YJU2B: variants seen among roughly 807,000 people sequenced by gnomAD.
YJU2B encodes the protein probable splicing factor YJU2B.
YJU2B carries 18 observed loss-of-function variants against 38.0 expected under a neutral mutation model. The observed-to-expected ratio is 0.47, with a 90% CI of 0.33 to 0.70. The LOEUF is 0.70. YJU2B is among the 30% of genes least tolerant of loss of function. The pLI, the probability that YJU2B is intolerant of heterozygous loss-of-function variation, is 0.02. For missense variants in YJU2B, 538 were observed against 556.3 expected (o/e 0.97, Z 0.33); for synonymous variants, 246 against 225.4 (o/e 1.09, Z -0.82).
chr19:13,762,302 A>G lies in YJU2B; in HGVS notation c.577A>G (p.Lys193Glu), dbSNP rs1973919614. 4 of 1,613,474 alleles carry G rather than the reference A, an allele frequency of 2.5e-6. No individual in the cohort carries two copies. The highest frequency in any genetic ancestry group is 2.2e-5 in the East Asian group (1 of 44,846). The part of the protein sequence containing the change: ...NSMLRRRFRE[K>E]KKAIQEEEER... ...GTGTTCTTGGCCCTCAACACAGGAA[A>G]AGAAAAAAGCCATCCAGGAGGAGGA... Residue 193 changes from lysine to glutamate, a missense_variant, in exon 9 of 10, where the codon AAG becomes GAG. Lys to Glu is a moderately conservative substitution (Grantham distance 56). Around this residue, in one of 2 missense-constraint regions of YJU2B, gnomAD observed 488 missense variants for 469.5 expected, o/e 1.04. Transcript: ENST00000221554.
intron 6 of YJU2B, 66 bp from the exon 7 acceptor site, chr19:13,758,802 G>T: frequency 1.3e-6 from 2 of 1,570,224 alleles, no homozygotes; most frequent in Non-Finnish European, 1.7e-6. Flanking sequence ...GAAGCAGGCA[G>T]AGGCGACAGG....
At chr19:13,740,145 T>C (rs970460937) in intron 2 of YJU2B, among the ~76,000 whole-genome samples, 1 of 152,244 alleles carries the variant, frequency 6.6e-6, no homozygotes, top group Non-Finnish European at 1.5e-5. Flanking sequence ...ATTGAGTTCA[T>C]GTCCTTTGCA....
intron 4 of YJU2B, among the ~76,000 whole-genome samples, 187 bp downstream of exon 4, chr19:13,756,466 G>A (rs1260420571): frequency 6.6e-6 from 1 of 152,230 alleles, no homozygotes; most frequent in African/African-American, 2.4e-5. Flanking sequence ...CATGTCTGCA[G>A]CTCAGCAAAA....
chr19:13,758,139 C>T (rs1046954138), intron 6 of YJU2B, among the ~76,000 whole-genome samples: 7 of 152,208 alleles, frequency 4.6e-5, no homozygotes, highest in Admixed American at 2.0e-4. Context: ...GTCCCTCACA[C>T]ACCCCAGGGA....
chr19:13,750,517 G>A (rs931470370), intron 1 of YJU2B, among the ~76,000 whole-genome samples: 4 of 152,008 alleles, frequency 2.6e-5, no homozygotes, highest in African/African-American at 9.7e-5. Flanking sequence ...GTGAGCCACC[G>A]CACCTGGCCG....
intron 2 of YJU2B, among the ~76,000 whole-genome samples, chr19:13,736,340 C>G (rs1972947697): frequency 6.7e-6 from 1 of 149,452 alleles, no homozygotes; most frequent in African/African-American, 2.5e-5. Flanking sequence ...CTCACTGCAG[C>G]CTCCATCTCC....
intron 8 of YJU2B, among the ~76,000 whole-genome samples, chr19:13,761,782 A>C (rs1973898366): frequency 9.7e-6 from 1 of 102,944 alleles, no homozygotes; most frequent in Non-Finnish European, 1.8e-5. Context: ...GAGTGCAGTG[A>C]CAACGATCTC....
Position 13,751,813 on chromosome 19 carries a change from T to C in YJU2B, c.3+2T>C. The C allele has an allele frequency of 6.2e-7, 1 of 1,614,062 alleles. No homozygotes were observed. The highest frequency in any genetic ancestry group is 1.1e-5 in the South Asian group (1 of 91,078). Reference sequence around the variant, plus strand: ...GACCAGTAGGCAGCTCCCAAGATGGTGAGTAGACAGCCTCGTGTGCCCTGG... The same window carrying C: ...GACCAGTAGGCAGCTCCCAAGATGGCGAGTAGACAGCCTCGTGTGCCCTGG... On this transcript the variant is annotated splice_donor_variant, in intron 2 of 9. Coordinates refer to ENST00000221554, the MANE Select transcript of YJU2B (RefSeq NM_030818.4). LOFTEE classifies it high-confidence loss of function.
At chr19:13,745,129 C>A (rs1338020124), upstream of YJU2B, among the ~76,000 whole-genome samples, 9 of 152,198 alleles carry the variant, frequency 5.9e-5, no homozygotes. Flanking sequence ...CCACCCCTCA[C>A]TAACTGTGCG....
intron 2 of YJU2B, among the ~76,000 whole-genome samples, chr19:13,737,113 A>C (rs1226080024): frequency 1.3e-5 from 2 of 151,834 alleles, no homozygotes; most frequent in Non-Finnish European, 2.9e-5. Flanking sequence ...CTGCAGCCTC[A>C]AACTCCAGGG....
intron 2 of YJU2B, among the ~76,000 whole-genome samples, chr19:13,734,333 C>A (rs1007295600): frequency 2.0e-5 from 3 of 151,936 alleles, no homozygotes; most frequent in African/African-American, 7.3e-5. Context: ...GTTCTGTCAC[C>A]CAGACTGGAG....
chr19:13,741,090 T>C (rs968591205), intron 2 of YJU2B, among the ~76,000 whole-genome samples: 5 of 152,070 alleles, frequency 3.3e-5, no homozygotes, highest in Admixed American at 6.6e-5. Context: ...CTTTAATTAG[T>C]CTTTCCAGAT....
intron 2 of YJU2B, among the ~76,000 whole-genome samples, chr19:13,735,841 A>T (rs1326154443): frequency 6.6e-6 from 1 of 151,792 alleles, no homozygotes; most frequent in African/African-American, 2.4e-5. Flanking sequence ...TCACGAGGTC[A>T]GGAGATCGAG....
rs768115849 is a variant in YJU2B, at chr19:13,759,131, C to T, written c.432C>T (p.Asp144=). 1.3e-5 allele frequency: 21 copies of T among 1,613,634 alleles called. No homozygotes were observed. Among genetic ancestry groups the T allele is most frequent in the South Asian group, 4.4e-5 (4 of 91,062 alleles). The part of the protein sequence containing the change: ...EHEKKQKLET[D]AMFRLEHGEA... The stretch of plus-strand genomic sequence containing the variant: ...AGAAGAAGCAGAAGCTGGAGACGGA[C>T]GCCATGTTCCGGCTGGAGCATGGCG... Residue 144 remains aspartate (D), a synonymous_variant, in exon 8 of 10, where the codon GAC becomes GAT. Coordinates refer to ENST00000221554, the MANE Select transcript of YJU2B (RefSeq NM_030818.4).
intron 6 of YJU2B, 90 bp from the exon 7 acceptor site, chr19:13,758,778 C>T: frequency 2.0e-6 from 3 of 1,480,254 alleles, no homozygotes; most frequent in Non-Finnish European, 2.8e-6. Context: ...TCAAATGACA[C>T]CATTGGGTGG....
chr19:13,753,637 T>C (rs1373044736), intron 2 of YJU2B, among the ~76,000 whole-genome samples: 1 of 145,340 alleles, frequency 6.9e-6, no homozygotes, highest in Non-Finnish European at 1.5e-5. Context: ...AGGAAAGAGG[T>C]TTAATTGACT....
At chr19:13,734,362 A>C (rs2145072734) in intron 2 of YJU2B, among the ~76,000 whole-genome samples, 1 of 149,056 alleles carries the variant, frequency 6.7e-6, no homozygotes, top group East Asian at 2.0e-4. Context: ...CACGATCTTC[A>C]CTCACTGCAA....
chr19:13,755,097 G>A lies in YJU2B; in HGVS notation c.57+755G>A, dbSNP rs899735169. Among the ~76,000 whole-genome samples the A allele has an allele frequency of 5.2e-4, 78 of 151,026 alleles. 1 individual carries two copies. Among genetic ancestry groups the A allele is most frequent in the Admixed American group, 4.8e-3 (72 of 15,104 alleles). On this transcript the variant is annotated intron_variant, in intron 3 of 9. Coordinates refer to ENST00000221554, the MANE Select transcript of YJU2B (RefSeq NM_030818.4). ...GAGGATTGCTTGAGCCCAGGAGGTG[G>A]AGACTGCAGTGAGTCATAATCATAC...
chr19:13,751,786 A>C lies in YJU2B; in HGVS notation c.-23A>C. 6.2e-7 allele frequency: 1 copy of C among 1,614,034 alleles called. No individual in the cohort carries two copies. The highest frequency in any genetic ancestry group is 8.5e-7 in the Non-Finnish European group (1 of 1,179,892). ...TTTCTGATCGTCCGCCCCGAGGCTG[A>C]GGACCAGTAGGCAGCTCCCAAGATG... is the stretch of plus-strand genomic sequence containing the variant. On this transcript the variant is annotated 5_prime_UTR_variant, in exon 2 of 10. Transcript: ENST00000221554.
Sources: gnomAD v4.1 joint callset for allele counts (sites outside exome capture counted in the v4.1 genomes callset) on GRCh38, gnomAD v4.1.1 for gene constraint, gnomAD v4.1.1 regional missense constraint, MANE v1.5 for transcripts, NCBI Gene and HGNC (gene_info 2026-07-23, HGNC 2026-07-21) for gene names.